The following ANKRD13D variants were observed in gnomAD, a reference collection of about 807,000 sequenced individuals.
The protein encoded by ANKRD13D is ankyrin repeat domain 13D, also known as ankyrin repeat domain-containing protein 13D.
ANKRD13D carries 24 observed loss-of-function variants against 68.8 expected under a neutral mutation model. The ratio of observed to expected loss-of-function variants is 0.35; its 90% CI spans 0.25 to 0.49. The LOEUF is 0.49. Ranked by LOEUF, ANKRD13D falls within the 20% of genes least tolerant of loss-of-function variation. The pLI, the probability that ANKRD13D is intolerant of heterozygous loss-of-function variation, is 0.99. For synonymous variants in ANKRD13D, 331 were observed against 336.1 expected, an observed-to-expected ratio of 0.98 and a Z score of 0.16; for missense variants, 735 against 832.1, an observed-to-expected ratio of 0.88 and a Z score of 1.44.
chr11:67,294,947 CTCAT>C (rs1386333877), intron 6 of ANKRD13D, among the ~76,000 whole-genome samples: 2 of 152,122 alleles, frequency 1.3e-5, no homozygotes, highest in African/African-American at 4.8e-5. Flanking sequence ...CATTGCTAAA[CTCAT>C]TCATTCAAGT....
rs1239074404 is a variant in ANKRD13D, at chr11:67,302,446, A to G, written c.*114A>G. On this transcript the variant is annotated 3_prime_UTR_variant, in exon 15 of 15. Coordinates refer to ENST00000511455, the MANE Select transcript of ANKRD13D (RefSeq NM_207354.3). ...CCTGGAGCCCCAGGAATGAGCAGGCAGGGGAGACTGAGATGGAAATAAAGA... is the reference window on the plus strand; with the variant it reads ...CCTGGAGCCCCAGGAATGAGCAGGCGGGGGAGACTGAGATGGAAATAAAGA... The G allele has an allele frequency of 7.3e-7, 1 of 1,378,448 alleles. No homozygotes were observed. The highest frequency in any genetic ancestry group is 9.6e-7 in the Non-Finnish European group (1 of 1,043,144). The allele number at this position is 1,378,448 out of a possible 1,614,324, so 85.4% of individuals were successfully genotyped here.
In ANKRD13D at chr11:67,301,316, C is replaced by T. The variant is rs746135795; in HGVS notation, c.1266C>T (p.Ile422=). The change falls in exon 12 of 15, where the codon ATC becomes ATT. Residue 422 remains isoleucine, a synonymous_variant. Coordinates refer to ENST00000511455, the MANE Select transcript of ANKRD13D (RefSeq NM_207354.3). The surrounding 1 kb of genome is among the most constrained non-coding windows in gnomAD (Gnocchi z 4.5). ...IPLFHVLNAR[I]TFSNLCGCDE... is the part of the protein sequence containing the mutation. ...TTTTCCACGTGCTCAATGCCCGCATCACCTTCAGCAACCTGTGTGGCTGTG... is the reference window on the plus strand; with the variant it reads ...TTTTCCACGTGCTCAATGCCCGCATTACCTTCAGCAACCTGTGTGGCTGTG... The T allele has an allele frequency of 3.5e-5, 57 of 1,613,660 alleles. No homozygotes were observed. Among genetic ancestry groups the T allele is most frequent in the Non-Finnish European group, 4.7e-5 (55 of 1,179,862 alleles).
rs780713751 is a variant in ANKRD13D at position 67,290,435 on chromosome 11, A to G, written c.340A>G (p.Lys114Glu). Reference sequence around the variant, plus strand: ...GGCGGGCATTCCGGAACTGCTCAACAAACTTCGCCAGGTACAGCAGGGCAC... The same window carrying G: ...GGCGGGCATTCCGGAACTGCTCAACGAACTTCGCCAGGTACAGCAGGGCAC... ...RLAGIPELLN[K>E]LRQAPDFYVE... is the part of the protein sequence containing the mutation. Residue 114 changes from lysine (K) to glutamate (E), a missense_variant, in exon 3 of 15, where the codon AAA (lysine) becomes GAA (glutamate). Transcript: ENST00000511455. The G allele has an allele frequency of 2.5e-6, 4 of 1,584,442 alleles. No homozygotes were observed. In the East Asian group the frequency reaches 9.1e-5, roughly 36 times the overall value.
intron 6 of ANKRD13D, 67 bp from the exon 7 acceptor site, chr11:67,298,991 G>T: frequency 6.4e-7 from 1 of 1,571,914 alleles, no homozygotes; most frequent in Non-Finnish European, 8.8e-7. Flanking sequence ...AGGGGGCTTT[G>T]GAAAGGAAGG....
chr11:67,301,304 C>T lies in ANKRD13D; in HGVS notation c.1254C>T (p.Leu418=), dbSNP rs1477660989. Residue 418 remains leucine, a synonymous_variant, in exon 12 of 15, where the codon CTC becomes CTT. Coordinates refer to ENST00000511455, the MANE Select transcript of ANKRD13D (RefSeq NM_207354.3). The surrounding 1 kb of genome is among the most constrained non-coding windows in gnomAD (Gnocchi z 4.5). ...VKIEIPLFHV[L]NARITFSNLC... ...CAGAGATTCCCCTTTTCCACGTGCT[C>T]AATGCCCGCATCACCTTCAGCAACC... 2 of 1,613,252 alleles carry T rather than the reference C, an allele frequency of 1.2e-6. No homozygotes were observed. The highest frequency in any genetic ancestry group is 1.7e-5 in the Admixed American group (1 of 59,906).
chr11:67,293,865 G>A (rs373466663), intron 6 of ANKRD13D, among the ~76,000 whole-genome samples: 2 of 152,118 alleles, frequency 1.3e-5, no homozygotes, highest in Admixed American at 6.6e-5. Context: ...TTGAGTCATA[G>A]GAGTTTTATA....
Position 67,301,762 on chromosome 11 carries a change from C to T in ANKRD13D, c.1543C>T (p.Arg515Trp), listed in dbSNP as rs776084343. Residue 515 changes from arginine (R) to tryptophan (W), a missense_variant, in exon 14 of 15, where the codon CGG becomes TGG. Transcript: ENST00000511455. The surrounding 1 kb of genome is among the most constrained non-coding windows in gnomAD (Gnocchi z 4.5). ...CGTCTGGGAAGCCCTGACCAACACCCGGCCCGGTGCCCGCCCTCCTCCCCA... is the reference window on the plus strand; with the variant it reads ...CGTCTGGGAAGCCCTGACCAACACCTGGCCCGGTGCCCGCCCTCCTCCCCA... ...VTVWEALTNT[R>W]PGARPPPQAT... The T allele has an allele frequency of 1.6e-5, 25 of 1,610,374 alleles. No homozygotes were observed. The highest frequency in any genetic ancestry group is 3.4e-5 in the Admixed American group (2 of 59,616).
chr11:67,294,198 G>A (rs1860680056), intron 6 of ANKRD13D, among the ~76,000 whole-genome samples: 1 of 152,036 alleles, frequency 6.6e-6, no homozygotes, highest in South Asian at 2.1e-4. Flanking sequence ...CTTTTTCAGG[G>A]TTATTTCAGT....
At position 67,301,312 on chromosome 11, in the gene ANKRD13D, G is replaced by A. The variant is rs771324597; in HGVS notation, c.1262G>A (p.Arg421His). 16 of 1,613,418 alleles carry A rather than the reference G, an allele frequency of 9.9e-6. No individual in the cohort carries two copies. Among genetic ancestry groups the A allele is most frequent in the Admixed American group, 5.0e-5 (3 of 59,932 alleles). Residue 421 changes from arginine to histidine, a missense_variant, in exon 12 of 15, where the codon CGC (arginine) becomes CAC (histidine). Coordinates refer to ENST00000511455, the MANE Select transcript of ANKRD13D (RefSeq NM_207354.3). This position sits in a 1 kb window ranked among gnomAD's most constrained non-coding sequence, Gnocchi z 4.5. Reference sequence around the variant, plus strand: ...CCCCTTTTCCACGTGCTCAATGCCCGCATCACCTTCAGCAACCTGTGTGGC... The same window carrying A: ...CCCCTTTTCCACGTGCTCAATGCCCACATCACCTTCAGCAACCTGTGTGGC... Reference protein sequence around the residue: ...EIPLFHVLNARITFSNLCGCD... With the variant: ...EIPLFHVLNAHITFSNLCGCD...
At chr11:67,296,023 A>G (rs571934489) in intron 6 of ANKRD13D, among the ~76,000 whole-genome samples, 12 of 152,338 alleles carry the variant, frequency 7.9e-5, no homozygotes, top group African/African-American at 2.6e-4. Flanking sequence ...TGATACATCA[A>G]TTGACCTATG....
chr11:67,301,861 C>A lies in ANKRD13D; in HGVS notation c.1604+38C>A. ...TGGGGCTGGCTGGGTCCCTGTCCCC[C>A]CAGCCCTGGCTTGGCGGGGAGGGGG... On this transcript the variant is annotated intron_variant, in intron 14 of 14. Transcript: ENST00000511455. This position sits in a 1 kb window ranked among gnomAD's most constrained non-coding sequence, Gnocchi z 4.5. 1 of 1,548,430 alleles carries A rather than the reference C, an allele frequency of 6.5e-7. No individual in the cohort carries two copies. Among genetic ancestry groups the A allele is most frequent in the East Asian group, 2.4e-5 (1 of 42,336 alleles).
At chr11:67,302,071 C>T in intron 14 of ANKRD13D, 48 bp from the exon 15 acceptor site, 2 of 1,489,286 alleles carry the variant, frequency 1.3e-6, no homozygotes, top group Non-Finnish European at 1.8e-6. Flanking sequence ...TCTGCCCCAG[C>T]CTTGGCGCTC....
At position 67,301,203 on chromosome 11, in the gene ANKRD13D, C is replaced by A; in HGVS notation, c.1231+56C>A. The stretch of plus-strand genomic sequence containing the variant: ...CCTCAGGCATGGCACCCTCCCTCAG[C>A]GCAGTCCCTGGAGAGCTGCAGGGGC... On this transcript the variant is annotated intron_variant, in intron 11 of 14. Transcript: ENST00000511455. This position sits in a 1 kb window ranked among gnomAD's most constrained non-coding sequence, Gnocchi z 4.5. The A allele has an allele frequency of 6.2e-7, 1 of 1,601,220 alleles. No homozygotes were observed.
chr11:67,293,751 G>A (rs1177405991), intron 6 of ANKRD13D, among the ~76,000 whole-genome samples: 1 of 152,156 alleles, frequency 6.6e-6, no homozygotes, highest in Non-Finnish European at 1.5e-5. Context: ...CTCTTAGGCT[G>A]AAGCGACCTG....
intron 6 of ANKRD13D, among the ~76,000 whole-genome samples, chr11:67,295,318 G>C (rs1860718260): frequency 6.6e-6 from 1 of 152,192 alleles, no homozygotes; most frequent in South Asian, 2.1e-4. Context: ...TCAGGAGGCT[G>C]AGGCAGGAGA....
At chr11:67,291,333 G>C (rs1341728064) in intron 3 of ANKRD13D, 143 bp from the exon 4 acceptor site, 12 of 917,262 alleles carry the variant, frequency 1.3e-5, no homozygotes, top group Non-Finnish European at 1.9e-5. Context: ...ACTCCAGCCT[G>C]GGTGACAGAG....
chr11:67,299,760 G>C lies in ANKRD13D; in HGVS notation c.881-67G>C. On this transcript the variant is annotated intron_variant, in intron 8 of 14. Transcript: ENST00000511455. This position sits in a 1 kb window ranked among gnomAD's most constrained non-coding sequence, Gnocchi z 6.2. ...TCTTCCCCCAGACAGTAGGCTCCAG[G>C]GGTGGAGGTGGGCAGGGGCGATGCG... 6.5e-7 allele frequency: 1 copy of C among 1,534,404 alleles called. No individual in the cohort carries two copies. The highest frequency in any genetic ancestry group is 8.8e-7 in the Non-Finnish European group (1 of 1,138,198).
chr11:67,291,547 G>A (rs1322303399), intron 4 of ANKRD13D, 26 bp downstream of exon 4: 2 of 1,613,818 alleles, frequency 1.2e-6, no homozygotes, highest in South Asian at 1.1e-5. Context: ...TGGGCTCCCA[G>A]GGATTTGGGG....
chr11:67,292,595 C>T (rs1323884748), intron 6 of ANKRD13D, among the ~76,000 whole-genome samples: 1 of 151,714 alleles, frequency 6.6e-6, no homozygotes, highest in Non-Finnish European at 1.5e-5. Flanking sequence ...CATGCCCCCT[C>T]TTGCCTTAAC....
Sources: gnomAD v4.1 joint callset for allele counts (sites outside exome capture counted in the v4.1 genomes callset) on GRCh38, gnomAD v4.1.1 for gene constraint, Gnocchi (gnomAD v3.1) non-coding constraint, MANE v1.5 for transcripts, NCBI Gene and HGNC (gene_info 2026-07-23, HGNC 2026-07-21) for gene names.